The following CAMTA1 variants were observed in gnomAD, a reference collection of about 807,000 sequenced individuals.
CAMTA1 encodes calmodulin binding transcription activator 1.
A neutral mutation model predicts 170.9 loss-of-function variants in CAMTA1; 27 were observed. That is an observed-to-expected ratio of 0.16 (90% CI 0.12 to 0.22). The LOEUF is 0.22. CAMTA1 is among the 10% of genes least tolerant of loss of function. The pLI is 1.00. For synonymous variants in CAMTA1, 833 were observed against 891.5 expected (o/e 0.93, Z 1.17); for missense variants, 1,619 against 2,217.2 (o/e 0.73, Z 5.42).
rs1224817635 is a variant in CAMTA1 at position 7,067,598 on chromosome 1, T to TA, written c.235-23704dup. ...GGCATACGGCAAAGAACAAGGTAGA[T>TA]AAGTTCCTCGCATTTATTGTGTGTC... On this transcript the variant is annotated intron_variant, in intron 3 of 22. Coordinates refer to ENST00000303635, the MANE Select transcript of CAMTA1 (RefSeq NM_015215.4). This position sits in a 1 kb window ranked among gnomAD's most constrained non-coding sequence, Gnocchi z 4.3. 3.9e-5 allele frequency among the ~76,000 whole-genome samples: 6 copies of TA among 152,344 alleles called. No individual in the cohort carries two copies. In the East Asian group the frequency reaches 1.2e-3, roughly 29 times the overall value.
intron 4 of CAMTA1, among the ~76,000 whole-genome samples, chr1:7,130,486 T>C (rs1276396131): frequency 3.3e-5 from 5 of 152,210 alleles, no homozygotes; most frequent in Non-Finnish European, 5.9e-5. Context: ...TGTGGAGTGG[T>C]TGGGTTGTAT....
At chr1:7,457,031 C>T (rs981212966) in intron 5 of CAMTA1, among the ~76,000 whole-genome samples, 101 of 79,884 alleles carry the variant, frequency 1.3e-3, no homozygotes, top group African/African-American at 5.6e-3. Context: ...CCTTCCATTT[C>T]CCCTCACCCG....
intron 5 of CAMTA1, among the ~76,000 whole-genome samples, chr1:7,430,952 G>C (rs937458955): frequency 6.6e-6 from 1 of 152,322 alleles, no homozygotes; most frequent in African/African-American, 2.4e-5. Flanking sequence ...ATTTCTAAAA[G>C]AGAATAAATA....
At chr1:7,236,150 G>A (rs1013661115) in intron 4 of CAMTA1, among the ~76,000 whole-genome samples, 1 of 152,182 alleles carries the variant, frequency 6.6e-6, no homozygotes, top group Non-Finnish European at 1.5e-5. Context: ...CAAGTCAGAG[G>A]AAGTCTCCAG....
chr1:7,703,900 T>G (rs1005561752), intron 11 of CAMTA1, among the ~76,000 whole-genome samples: 53 of 152,040 alleles, frequency 3.5e-4, no homozygotes, highest in African/African-American at 1.3e-3. Context: ...AGTCCCCAAG[T>G]GCGCAGGGCT....
intron 4 of CAMTA1, among the ~76,000 whole-genome samples, chr1:7,142,763 C>T (rs1312903805): frequency 6.8e-6 from 1 of 147,826 alleles, no homozygotes; most frequent in African/African-American, 2.5e-5. Context: ...GAAGCAAATG[C>T]TGGAGCCATG....
intron 6 of CAMTA1, among the ~76,000 whole-genome samples, chr1:7,507,654 G>C (rs1425901152): frequency 1.3e-5 from 2 of 152,240 alleles, no homozygotes; most frequent in African/African-American, 4.8e-5. Context: ...GAGGGAAGCT[G>C]CAAGCGCCAG....
At chr1:7,658,640 AGCCAAGGAGT>A (rs1354514629) in intron 7 of CAMTA1, among the ~76,000 whole-genome samples, 1 of 150,556 alleles carries the variant, frequency 6.6e-6, no homozygotes, top group Non-Finnish European at 1.5e-5. Context: ...AATGTCTGTA[AGCCAAGGAGT>A]GCCCTGGGCA....
chr1:7,488,765 T>C (rs2093657718), intron 6 of CAMTA1, among the ~76,000 whole-genome samples: 1 of 152,152 alleles, frequency 6.6e-6, no homozygotes, highest in Non-Finnish European at 1.5e-5. Flanking sequence ...CATGTACATA[T>C]GCACATGCTT....
rs1344598136 is a variant in CAMTA1, at chr1:6,918,635, C to G, written c.234+93425C>G. 6.6e-6 allele frequency among the ~76,000 whole-genome samples: 1 copy of G among 152,248 alleles called. No individual in the cohort carries two copies. The highest frequency in any genetic ancestry group is 2.4e-5 in the African/African-American group (1 of 41,468). ...GCACCTCCCGAGGAACTCAGAACTT[C>G]CCCCGTGGGCCTCAGGCCCAGGATC... On this transcript the variant is annotated intron_variant, in intron 3 of 22. Transcript: ENST00000303635. The surrounding 1 kb of genome is among the most constrained non-coding windows in gnomAD (Gnocchi z 4.0).
intron 4 of CAMTA1, among the ~76,000 whole-genome samples, chr1:7,219,894 G>T (rs1660434018): frequency 6.6e-6 from 1 of 152,274 alleles, no homozygotes; most frequent in Non-Finnish European, 1.5e-5. Flanking sequence ...AAAAAGAAGA[G>T]GAAGATACTA....
At chr1:6,930,808 C>T (rs1176102611) in intron 3 of CAMTA1, among the ~76,000 whole-genome samples, 1 of 152,226 alleles carries the variant, frequency 6.6e-6, no homozygotes, top group Non-Finnish European at 1.5e-5. Flanking sequence ...GGCTCAGCCC[C>T]TGCTCTGGAG....
chr1:7,404,830 T>C (rs971331035), intron 5 of CAMTA1, among the ~76,000 whole-genome samples: 5 of 152,184 alleles, frequency 3.3e-5, no homozygotes, highest in Non-Finnish European at 7.4e-5. Flanking sequence ...AATTGACAAA[T>C]ACTTTCAGGT....
intron 3 of CAMTA1, among the ~76,000 whole-genome samples, chr1:7,018,171 G>A (rs1453228159): frequency 8.6e-6 from 1 of 116,764 alleles, no homozygotes; most frequent in African/African-American, 3.4e-5. Context: ...AGTCTCCTTT[G>A]TGGAGGTTCA....
At chr1:7,539,968 C>T (rs1213208125) in intron 6 of CAMTA1, among the ~76,000 whole-genome samples, 4 of 152,206 alleles carry the variant, frequency 2.6e-5, no homozygotes, top group Non-Finnish European at 5.9e-5. Flanking sequence ...GACTTCTGTT[C>T]CTCCTTCAGA....
chr1:7,002,431 G>T (rs1698357703), intron 3 of CAMTA1, among the ~76,000 whole-genome samples: 1 of 152,146 alleles, frequency 6.6e-6, no homozygotes. Context: ...CTGTGTAGCT[G>T]GTTTATTCTA....
At position 7,737,332 on chromosome 1, in the gene CAMTA1, C is replaced by A; in HGVS notation, c.3420C>A (p.Pro1140=). 6.2e-7 allele frequency: 1 copy of A among 1,614,190 alleles called. No homozygotes were observed. The highest frequency in any genetic ancestry group is 1.1e-5 in the South Asian group (1 of 91,084). ...YKWDRRAISI[P]DSLGRLPLGI... ...GGGACCGTCGGGCCATCTCGATTCC[C>A]GACTCTCTAGGAAGGCTGCCTTTGG... is the stretch of plus-strand genomic sequence containing the variant. The change falls in exon 15 of 23, where the codon CCC becomes CCA. Residue 1140 remains proline, a synonymous_variant. Transcript: ENST00000303635.
chr1:6,856,511 G>A (rs187822812), intron 3 of CAMTA1, among the ~76,000 whole-genome samples: 1 of 152,206 alleles, frequency 6.6e-6, no homozygotes, highest in African/African-American at 2.4e-5. Context: ...TTTTGTGCCA[G>A]GCACTATTCT....
chr1:6,894,078 G>A (rs1675142482), intron 3 of CAMTA1, among the ~76,000 whole-genome samples: 1 of 152,202 alleles, frequency 6.6e-6, no homozygotes, highest in Non-Finnish European at 1.5e-5. Context: ...GGTGCCTTGT[G>A]GCAAGCACAA....
Sources: allele counts gnomAD v4.1 joint callset (sites outside exome capture counted in the v4.1 genomes callset), GRCh38; gene constraint gnomAD v4.1.1; non-coding constraint Gnocchi (gnomAD v3.1); transcripts MANE v1.5; gene names NCBI Gene and HGNC (gene_info 2026-07-23, HGNC 2026-07-21).